Variants in INPP4B observed in about 807,000 individuals in gnomAD.
INPP4B encodes inositol polyphosphate 4-phosphatase type II.
INPP4B carries 55 observed loss-of-function variants against 122.5 expected under a neutral mutation model. The ratio of observed to expected loss-of-function variants is 0.45; its 90% CI spans 0.36 to 0.56. INPP4B has a LOEUF of 0.56. Among genes scored for constraint, INPP4B ranks in the 20% least tolerant of loss-of-function variants. The pLI is 0.00. For synonymous variants in INPP4B, 403 were observed against 388.7 expected (o/e 1.04, Z -0.43); for missense variants, 1,000 against 1,097.7 (o/e 0.91, Z 1.26).
chr4:142,276,111 A>G (rs547119706), intron 9 of INPP4B, among the ~76,000 whole-genome samples: 7 of 151,814 alleles, frequency 4.6e-5, no homozygotes, highest in African/African-American at 1.4e-4. Flanking sequence ...TTCTTCCTCC[A>G]TAATGTCTAT....
intron 2 of INPP4B, among the ~76,000 whole-genome samples, chr4:142,477,364 T>G (rs2149718910): frequency 6.6e-6 from 1 of 151,804 alleles, no homozygotes; most frequent in Admixed American, 6.6e-5. Flanking sequence ...ATTAAAAATC[T>G]AACATCAAAC....
At chr4:142,536,751 C>T (rs930510200) in intron 2 of INPP4B, among the ~76,000 whole-genome samples, 1 of 152,110 alleles carries the variant, frequency 6.6e-6, no homozygotes, top group African/African-American at 2.4e-5. Flanking sequence ...ATGAACTTGA[C>T]TCTAAACGGG....
intron 18 of INPP4B, among the ~76,000 whole-genome samples, 183 bp from the exon 19 acceptor site, chr4:142,124,943 A>C (rs1235744340): frequency 2.0e-5 from 3 of 152,102 alleles, no homozygotes; most frequent in Non-Finnish European, 4.4e-5. Context: ...AATGTCCATA[A>C]GCAGCCACCC....
chr4:142,192,889 C>G (rs1445920126), intron 15 of INPP4B, among the ~76,000 whole-genome samples, 198 bp downstream of exon 15: 1 of 152,178 alleles, frequency 6.6e-6, no homozygotes, highest in African/African-American at 2.4e-5. Flanking sequence ...ATGCCACTAA[C>G]TAAGCAAGAC....
intron 2 of INPP4B, among the ~76,000 whole-genome samples, chr4:142,700,687 T>A (rs990549009): frequency 1.3e-5 from 2 of 152,132 alleles, no homozygotes; most frequent in Non-Finnish European, 2.9e-5. Flanking sequence ...TTTTTTATTT[T>A]TTGCAGCAGG....
chr4:142,052,386 G>C (rs1410561801), intron 25 of INPP4B, among the ~76,000 whole-genome samples: 1 of 151,914 alleles, frequency 6.6e-6, no homozygotes, highest in East Asian at 1.9e-4. Context: ...GCTACCTGAA[G>C]TATAACCCAT....
At chr4:142,224,311 T>C (rs1850602480) in intron 12 of INPP4B, among the ~76,000 whole-genome samples, 2 of 152,184 alleles carry the variant, frequency 1.3e-5, no homozygotes, top group Non-Finnish European at 2.9e-5. Context: ...TAGATGTTTT[T>C]GATAAAGAAT....
chr4:142,431,608 C>T (rs1809313442), intron 3 of INPP4B, among the ~76,000 whole-genome samples: 1 of 152,038 alleles, frequency 6.6e-6, no homozygotes, highest in Non-Finnish European at 1.5e-5. Context: ...ATTTCTAAAA[C>T]ATGAAAGGTG....
chr4:142,634,138 T>C (rs182982322), intron 2 of INPP4B, among the ~76,000 whole-genome samples: 2 of 152,238 alleles, frequency 1.3e-5, no homozygotes, highest in Non-Finnish European at 2.9e-5. Flanking sequence ...TACTTAAAAG[T>C]TACCAAACCT....
chr4:142,657,453 A>T (rs1754369037), intron 2 of INPP4B, among the ~76,000 whole-genome samples: 1 of 152,216 alleles, frequency 6.6e-6, no homozygotes. Context: ...TGCACTTAGC[A>T]CACAAAGCAA....
chr4:142,555,684 C>G (rs554797102), intron 2 of INPP4B, among the ~76,000 whole-genome samples: 1 of 151,800 alleles, frequency 6.6e-6, no homozygotes, highest in Non-Finnish European at 1.5e-5. Context: ...CTGGCTAACA[C>G]GGTGAAACCC....
intron 5 of INPP4B, among the ~76,000 whole-genome samples, chr4:142,413,500 ATC>A (rs1805038710): frequency 6.6e-6 from 1 of 152,226 alleles, no homozygotes; most frequent in African/African-American, 2.4e-5. Context: ...CTATCTTGCA[ATC>A]ATAAAATGCT....
intron 7 of INPP4B, among the ~76,000 whole-genome samples, chr4:142,360,774 A>G (rs1396403083): frequency 6.6e-6 from 1 of 151,972 alleles, no homozygotes; most frequent in Non-Finnish European, 1.5e-5. Flanking sequence ...ATGTCAATTC[A>G]CAAAAATAGT....
At chr4:142,743,751 A>G (rs1368847962) in intron 1 of INPP4B, among the ~76,000 whole-genome samples, 1 of 151,990 alleles carries the variant, frequency 6.6e-6, no homozygotes, top group African/African-American at 2.4e-5. Flanking sequence ...TACAGGAGAC[A>G]TAGAGTTCAG....
At chr4:142,337,645 C>T (rs1164589565) in intron 7 of INPP4B, among the ~76,000 whole-genome samples, 1 of 138,216 alleles carries the variant, frequency 7.2e-6, no homozygotes, top group Non-Finnish European at 1.6e-5. Context: ...TTATTTATCT[C>T]ATCTTAATTT....
intron 25 of INPP4B, among the ~76,000 whole-genome samples, chr4:142,065,304 A>G (rs1578777275): frequency 6.6e-6 from 1 of 152,174 alleles, no homozygotes; most frequent in South Asian, 2.1e-4. Flanking sequence ...TATACATCTG[A>G]AGTAGATGAA....
rs776222941 is a variant in INPP4B at position 142,028,772 on chromosome 4, G to A, written c.*10C>T. On this transcript the variant is annotated 3_prime_UTR_variant, in exon 26 of 26. Transcript: ENST00000262992. Reference sequence around the variant, plus strand: ...TATTTGTGTTCCTGTTTATTAACATGTTGGTAAACTTAGGTGTCAGCTTTT... The same window carrying A: ...TATTTGTGTTCCTGTTTATTAACATATTGGTAAACTTAGGTGTCAGCTTTT... 5 of 1,603,748 alleles carry A rather than the reference G, an allele frequency of 3.1e-6. No individual in the cohort carries two copies. Among genetic ancestry groups the A allele is most frequent in the South Asian group, 2.3e-5 (2 of 88,518 alleles).
chr4:142,118,567 G>A (rs1434806034), intron 21 of INPP4B, among the ~76,000 whole-genome samples: 2 of 152,084 alleles, frequency 1.3e-5, no homozygotes, highest in African/African-American at 4.8e-5. Context: ...TTAATAAATG[G>A]TGCTGGGAAA....
intron 3 of INPP4B, among the ~76,000 whole-genome samples, chr4:142,459,241 A>T (rs1373342726): frequency 6.6e-6 from 1 of 150,462 alleles, no homozygotes; most frequent in African/African-American, 2.4e-5. Context: ...TTTCAGGCTC[A>T]GTTTTCACAG....
Sources: gnomAD v4.1 joint callset for allele counts (sites outside exome capture counted in the v4.1 genomes callset) on GRCh38, gnomAD v4.1.1 for gene constraint, MANE v1.5 for transcripts, NCBI Gene and HGNC (gene_info 2026-07-23, HGNC 2026-07-21) for gene names.